Variants in NUP35 observed in about 807,000 individuals in gnomAD.
NUP35 encodes nucleoporin NUP35.
In NUP35, 25 loss-of-function variants were observed where a neutral mutation model predicts 41.5. The ratio of observed to expected loss-of-function variants is 0.60; its 90% CI spans 0.44 to 0.84. NUP35 has a LOEUF of 0.84. Ranked by LOEUF, NUP35 falls within the 40% of genes least tolerant of loss-of-function variation. The pLI is 0.00. For synonymous variants in NUP35, 149 were observed against 130.7 expected, an observed-to-expected ratio of 1.14 and a Z score of -0.96; for missense variants, 396 against 396.6, an observed-to-expected ratio of 1.00 and a Z score of 0.01.
At position 183,161,234 on chromosome 2, in the gene NUP35, T is replaced by C. The variant is rs1324781939; in HGVS notation, c.*103T>C. The C allele has an allele frequency of 1.5e-6, 1 of 680,206 alleles. No homozygotes were observed. The highest frequency in any genetic ancestry group is 1.8e-5 in the African/African-American group (1 of 55,174). The allele number at this position is 680,206 out of a possible 1,614,324, so 42.1% of individuals were successfully genotyped here. A position where few individuals can be genotyped will look rare whatever the true frequency, so the allele number is the denominator to read the frequency against. On this transcript the variant is annotated 3_prime_UTR_variant, in exon 9 of 9. Transcript: ENST00000295119. ...CTGTTCCTGCAGTATTGGATAGCTATCTCATACTTCTTTTAGAAAGAAGCC... is the reference window on the plus strand; with the variant it reads ...CTGTTCCTGCAGTATTGGATAGCTACCTCATACTTCTTTTAGAAAGAAGCC...
chr2:183,158,252 C>T, intron 6 of NUP35, 31 bp from the exon 7 acceptor site: 1 of 1,404,088 alleles, frequency 7.1e-7, no homozygotes, highest in African/African-American at 1.5e-5. Context: ...TATATATTTT[C>T]TATTTTAAGA....
intron 7 of NUP35, 30 bp downstream of exon 7, chr2:183,158,441 C>G: frequency 6.4e-7 from 1 of 1,554,604 alleles, no homozygotes; most frequent in African/African-American, 1.4e-5. Context: ...GGCAAAGTAG[C>G]TTAATCTATA....
chr2:183,138,158 T>TA (rs934130219), intron 4 of NUP35, among the ~76,000 whole-genome samples: 1 of 150,832 alleles, frequency 6.6e-6, no homozygotes, highest in African/African-American at 2.4e-5. Flanking sequence ...TGTGGAGACC[T>TA]ATCATGCATG....
rs549736759 is a variant in NUP35, at chr2:183,161,025, C to G, written c.904-29C>G. ...TGACACTGAAGTAACAATAACCTAA[C>G]CGTTTTTTTTGTGTGTGTTTTTTAA... On this transcript the variant is annotated intron_variant, in intron 8 of 8. Coordinates refer to ENST00000295119, the MANE Select transcript of NUP35 (RefSeq NM_138285.5). The G allele has an allele frequency of 5.3e-5, 83 of 1,573,328 alleles. No individual in the cohort carries two copies. In the South Asian group the frequency reaches 8.4e-4, roughly 16 times the overall value.
chr2:183,133,460 C>T, intron 3 of NUP35, 106 bp from the exon 4 acceptor site: 1 of 870,354 alleles, frequency 1.1e-6, no homozygotes, highest in African/African-American at 1.7e-5. Flanking sequence ...TTAGAGGCAT[C>T]TCTAGCACAT....
chr2:183,130,259 T>G (rs1163228271), intron 2 of NUP35, among the ~76,000 whole-genome samples, 159 bp from the exon 3 acceptor site: 1 of 152,134 alleles, frequency 6.6e-6, no homozygotes, highest in Non-Finnish European at 1.5e-5. Context: ...TGAATCAGAG[T>G]CTGAATTTTA....
intron 4 of NUP35, among the ~76,000 whole-genome samples, chr2:183,138,259 A>G (rs1300513247): frequency 2.2e-5 from 1 of 45,758 alleles, no homozygotes; most frequent in Non-Finnish European, 4.7e-5. Context: ...ATATATATAT[A>G]TATATATATA....
intron 8 of NUP35, 69 bp from the exon 9 acceptor site, chr2:183,160,985 T>G (rs998025033): frequency 4.3e-6 from 5 of 1,167,862 alleles, no homozygotes; most frequent in African/African-American, 1.5e-5. Flanking sequence ...AAATGAGCAA[T>G]TCTAGAATTG....
chr2:183,124,247 T>C, upstream of NUP35: 1 of 1,308,108 alleles, frequency 7.6e-7, no homozygotes, highest in Non-Finnish European at 1.0e-6. Flanking sequence ...GTTCGCCACC[T>C]TCCCGGTGCA....
At chr2:183,141,328 C>T (rs920638714) in intron 4 of NUP35, among the ~76,000 whole-genome samples, 2 of 152,192 alleles carry the variant, frequency 1.3e-5, no homozygotes, top group Admixed American at 6.5e-5. Context: ...ATCACATCTG[C>T]AAGATCCCTT....
chr2:183,135,519 A>G (rs1684846228), intron 4 of NUP35, among the ~76,000 whole-genome samples: 1 of 152,214 alleles, frequency 6.6e-6, no homozygotes, highest in African/African-American at 2.4e-5. Context: ...GAAGACAATA[A>G]GGATGAGACT....
chr2:183,156,940 T>C (rs577089901), intron 5 of NUP35, among the ~76,000 whole-genome samples: 2 of 152,208 alleles, frequency 1.3e-5, no homozygotes, highest in African/African-American at 4.8e-5. Flanking sequence ...AACTGTCCTT[T>C]TAAGTGATTC....
At chr2:183,155,725 G>A (rs1685641018) in intron 5 of NUP35, among the ~76,000 whole-genome samples, 1 of 151,974 alleles carries the variant, frequency 6.6e-6, no homozygotes, top group Non-Finnish European at 1.5e-5. Flanking sequence ...GCATGAGCCA[G>A]CTTGGCTGCA....
rs74730579 is a variant in NUP35, at chr2:183,136,677, T to G, written c.397+3054T>G. Among the ~76,000 whole-genome samples, 1,310 of 152,326 alleles carry G rather than the reference T, an allele frequency of 8.6e-3. 18 individuals carry two copies. Among genetic ancestry groups the G allele is most frequent in the African/African-American group, 0.03 (1,232 of 41,558 alleles). The stretch of plus-strand genomic sequence containing the variant: ...GCCCATGAGGATAATCTGAGATAGT[T>G]CCTTATTCTAAAGTCAGCTGAGTAG... On this transcript the variant is annotated intron_variant, in intron 4 of 8. Coordinates refer to ENST00000295119, the MANE Select transcript of NUP35 (RefSeq NM_138285.5).
intron 4 of NUP35, among the ~76,000 whole-genome samples, chr2:183,136,692 C>T (rs920141774): frequency 6.6e-6 from 1 of 152,204 alleles, no homozygotes; most frequent in Admixed American, 6.5e-5. Flanking sequence ...ATTCTAAAGT[C>T]AGCTGAGTAG....
At position 183,157,188 on chromosome 2, in the gene NUP35, C is replaced by T. The variant is rs1341036446; in HGVS notation, c.540-256C>T. Among the ~76,000 whole-genome samples, 4 of 152,012 alleles carry T rather than the reference C, an allele frequency of 2.6e-5. No individual in the cohort carries two copies. The East Asian group carries it at 7.7e-4, about 29-fold the overall frequency. The stretch of plus-strand genomic sequence containing the variant: ...ACCTGGATAATGGCAACGAGAGTAG[C>T]ATTTTTAGAGATTTCAGAGGTAGAA... On this transcript the variant is annotated intron_variant, in intron 5 of 8. Coordinates refer to ENST00000295119, the MANE Select transcript of NUP35 (RefSeq NM_138285.5).
chr2:183,127,830 T>C (rs1212520961), intron 1 of NUP35, among the ~76,000 whole-genome samples: 1 of 152,206 alleles, frequency 6.6e-6, no homozygotes, highest in African/African-American at 2.4e-5. Flanking sequence ...CTCAGCACTT[T>C]GGGAGGCCAA....
chr2:183,121,486 G>T (rs1559138839), upstream of NUP35, among the ~76,000 whole-genome samples: 1 of 151,850 alleles, frequency 6.6e-6, no homozygotes, highest in African/African-American at 2.4e-5. Context: ...TTGAAATGCA[G>T]GTAAAGAAAA....
chr2:183,142,805 A>G (rs1249811485), intron 4 of NUP35, among the ~76,000 whole-genome samples: 1 of 151,660 alleles, frequency 6.6e-6, no homozygotes, highest in East Asian at 1.9e-4. Flanking sequence ...TTTCTCTGTC[A>G]TTTTAATTCC....
Sources: allele counts gnomAD v4.1 joint callset (sites outside exome capture counted in the v4.1 genomes callset), GRCh38; gene constraint gnomAD v4.1.1; transcripts MANE v1.5; gene names NCBI Gene and HGNC (gene_info 2026-07-23, HGNC 2026-07-21).